CTNNBL1: variants seen among roughly 807,000 people sequenced by gnomAD.
CTNNBL1 encodes the protein beta-catenin-like protein 1.
Under a neutral mutation model 72.7 loss-of-function variants are expected in CTNNBL1, and 31 were observed. That is an observed-to-expected ratio of 0.43 (90% confidence interval 0.32 to 0.58). CTNNBL1 has a LOEUF of 0.58. Ranked by LOEUF, CTNNBL1 falls within the 20% of genes least tolerant of loss-of-function variation. The probability of loss-of-function intolerance (pLI) is 0.08; values close to 1 mark genes in which losing one functional copy is unlikely to be tolerated. For synonymous variants in CTNNBL1, 240 were observed against 267.3 expected, an observed-to-expected ratio of 0.90 and a Z score of 1.00; for missense variants, 534 against 725.1, an observed-to-expected ratio of 0.74 and a Z score of 3.03.
chr20:37,721,689 T>C (rs918660982), intron 1 of CTNNBL1, among the ~76,000 whole-genome samples: 2 of 152,272 alleles, frequency 1.3e-5, no homozygotes, highest in Admixed American at 6.5e-5. Flanking sequence ...TAACCTCCTT[T>C]AGAAGCAATC....
At chr20:37,863,428 C>T (rs536340959) in intron 15 of CTNNBL1, among the ~76,000 whole-genome samples, 7 of 152,232 alleles carry the variant, frequency 4.6e-5, no homozygotes, top group South Asian at 2.1e-4. Context: ...GCTAAGCACC[C>T]GTCAAGTTGT....
At chr20:37,794,887 T>C (rs1022102720) in intron 10 of CTNNBL1, among the ~76,000 whole-genome samples, 3 of 152,142 alleles carry the variant, frequency 2.0e-5, no homozygotes, top group Non-Finnish European at 4.4e-5. Flanking sequence ...TTTTTTCCTT[T>C]CGGTACTCTT....
chr20:37,705,534 G>T (rs1483842625), intron 1 of CTNNBL1, among the ~76,000 whole-genome samples: 2 of 152,092 alleles, frequency 1.3e-5, no homozygotes, highest in African/African-American at 4.8e-5. Context: ...TGGAGATTAA[G>T]GTTCAGAATC....
At chr20:37,717,388 C>T (rs949361254) in intron 1 of CTNNBL1, among the ~76,000 whole-genome samples, 1 of 152,230 alleles carries the variant, frequency 6.6e-6, no homozygotes, top group Non-Finnish European at 1.5e-5. Context: ...ATACTCCACT[C>T]TCCTCTCTTA....
At chr20:37,763,330 G>T (rs1370569730) in intron 5 of CTNNBL1, among the ~76,000 whole-genome samples, 1 of 152,184 alleles carries the variant, frequency 6.6e-6, no homozygotes, top group Non-Finnish European at 1.5e-5. Flanking sequence ...GAGCAAGATT[G>T]TGTAGCTCTT....
intron 13 of CTNNBL1, among the ~76,000 whole-genome samples, chr20:37,846,658 C>T (rs2072349665): frequency 6.6e-6 from 1 of 152,116 alleles, no homozygotes; most frequent in Non-Finnish European, 1.5e-5. Flanking sequence ...TACCCACTGT[C>T]CTGATTCCCT....
chr20:37,868,002 C>T (rs778563735), intron 15 of CTNNBL1, among the ~76,000 whole-genome samples: 1 of 152,150 alleles, frequency 6.6e-6, no homozygotes. Flanking sequence ...GTGGCCGGCT[C>T]ACTGTGGGAC....
At chr20:37,735,927 A>G (rs1442312934) in intron 2 of CTNNBL1, among the ~76,000 whole-genome samples, 2 of 152,254 alleles carry the variant, frequency 1.3e-5, no homozygotes, top group African/African-American at 2.4e-5. Flanking sequence ...TTGGGATAGT[A>G]TGAAGAGAAG....
At chr20:37,822,488 T>C (rs2072117315) in intron 11 of CTNNBL1, among the ~76,000 whole-genome samples, 1 of 152,234 alleles carries the variant, frequency 6.6e-6, no homozygotes, top group South Asian at 2.1e-4. Context: ...AGTTAGTTTT[T>C]GCCAGAAACC....
At chr20:37,853,396 T>C (rs886304736) in intron 13 of CTNNBL1, among the ~76,000 whole-genome samples, 3 of 152,224 alleles carry the variant, frequency 2.0e-5, no homozygotes, top group African/African-American at 7.2e-5. Context: ...GATGATAATT[T>C]TTTTCTAGAA....
chr20:37,838,028 G>A (rs753431266), intron 11 of CTNNBL1, among the ~76,000 whole-genome samples: 1 of 152,200 alleles, frequency 6.6e-6, no homozygotes, highest in African/African-American at 2.4e-5. Context: ...TCAATAGGGT[G>A]GTCAAAGGAA....
intron 1 of CTNNBL1, among the ~76,000 whole-genome samples, chr20:37,707,208 C>T (rs2072892996): frequency 1.3e-5 from 2 of 152,180 alleles, no homozygotes; most frequent in Non-Finnish European, 2.9e-5. Flanking sequence ...TCATTAGTCC[C>T]TAAGAAGAGC....
At chr20:37,851,744 C>T (rs747162118) in intron 13 of CTNNBL1, among the ~76,000 whole-genome samples, 16 of 152,174 alleles carry the variant, frequency 1.1e-4, no homozygotes, top group Non-Finnish European at 1.6e-4. Flanking sequence ...GGAGTTCTTG[C>T]GAGGAAAAAT....
At chr20:37,754,524 G>T (rs1283541859) in intron 4 of CTNNBL1, among the ~76,000 whole-genome samples, 4 of 152,086 alleles carry the variant, frequency 2.6e-5, no homozygotes, top group African/African-American at 9.7e-5. Flanking sequence ...AATGGATTAT[G>T]AACTTTTCAA....
At chr20:37,745,762 A>T (rs556276103) in intron 3 of CTNNBL1, among the ~76,000 whole-genome samples, 25 of 152,328 alleles carry the variant, frequency 1.6e-4, no homozygotes, top group African/African-American at 5.8e-4. Context: ...TGTCTTGTTC[A>T]TCCAAGGCTT....
intron 10 of CTNNBL1, among the ~76,000 whole-genome samples, chr20:37,792,299 A>AT (rs1381642215): frequency 6.6e-6 from 1 of 150,706 alleles, no homozygotes; most frequent in East Asian, 2.0e-4. Flanking sequence ...TCTGGTCAGT[A>AT]TTTTTTTTCC....
At chr20:37,849,197 A>C (rs942300708) in intron 13 of CTNNBL1, among the ~76,000 whole-genome samples, 1 of 152,182 alleles carries the variant, frequency 6.6e-6, no homozygotes, top group Admixed American at 6.5e-5. Flanking sequence ...CTAACTAACT[A>C]GTCTGCCTAT....
intron 13 of CTNNBL1, among the ~76,000 whole-genome samples, chr20:37,843,890 T>C (rs2072325476): frequency 1.3e-5 from 2 of 152,228 alleles, no homozygotes; most frequent in African/African-American, 4.8e-5. Flanking sequence ...TATACAGTGA[T>C]ACTACTGCAA....
chr20:37,814,328 CTT>C (rs2072036131), intron 11 of CTNNBL1, among the ~76,000 whole-genome samples: 1 of 152,188 alleles, frequency 6.6e-6, no homozygotes, highest in Admixed American at 6.5e-5. Context: ...GCATAAATAA[CTT>C]TCATCTCTCA....
Sources: allele counts gnomAD v4.1 joint callset (sites outside exome capture counted in the v4.1 genomes callset), GRCh38; gene constraint gnomAD v4.1.1; transcripts MANE v1.5; gene names NCBI Gene and HGNC (gene_info 2026-07-23, HGNC 2026-07-21).